The following MORC1 variants were observed in gnomAD, a reference collection of about 807,000 sequenced individuals.
MORC1 encodes MORC family CW-type zinc finger 1, also known as MORC family CW-type zinc finger protein 1.
Under a neutral mutation model 134.9 loss-of-function variants are expected in MORC1, and 59 were observed. The observed-to-expected ratio is 0.44, with a 90% CI of 0.35 to 0.54. The LOEUF is 0.54. MORC1 is among the 20% of genes least tolerant of loss of function. The pLI is 0.00. For synonymous variants in MORC1, 395 were observed against 391.7 expected (o/e 1.01, Z -0.10); for missense variants, 947 against 1,134.5 (o/e 0.83, Z 2.37).
intron 16 of MORC1, among the ~76,000 whole-genome samples, chr3:109,031,533 C>A (rs1258326215): frequency 2.0e-5 from 3 of 152,136 alleles, no homozygotes; most frequent in Non-Finnish European, 4.4e-5. Flanking sequence ...TGAGCCAACA[C>A]TTTGTTCCTA....
intron 11 of MORC1, among the ~76,000 whole-genome samples, chr3:109,061,754 C>A (rs1950088656): frequency 6.6e-6 from 1 of 152,118 alleles, no homozygotes; most frequent in Non-Finnish European, 1.5e-5. Flanking sequence ...TTCAAATTCA[C>A]CCCATGTTCT....
intron 3 of MORC1, among the ~76,000 whole-genome samples, chr3:109,107,739 T>A (rs566793841): frequency 1.3e-5 from 2 of 152,332 alleles, no homozygotes; most frequent in South Asian, 2.1e-4. Context: ...CTGCTTTTTT[T>A]ATCCATTTTT....
chr3:109,083,859 T>C (rs1056060586), intron 8 of MORC1, among the ~76,000 whole-genome samples: 29 of 152,202 alleles, frequency 1.9e-4, no homozygotes, highest in Admixed American at 1.6e-3. Context: ...CTTGAACATA[T>C]GCAAATAAAT....
rs1559871810 is a variant in MORC1, at chr3:108,984,683, CACTTGGAATTTGTATA to C, written c.2324+17_2324+32del. The C allele has an allele frequency of 1.4e-6, 2 of 1,447,004 alleles. No homozygotes were observed. The highest frequency in any genetic ancestry group is 4.9e-5 in the East Asian group (2 of 41,236). 89.6% of individuals were successfully genotyped at this position (1,447,004 alleles called of 1,614,324 possible). On this transcript the variant is annotated intron_variant, in intron 23 of 27. Coordinates refer to ENST00000232603, the MANE Select transcript of MORC1 (RefSeq NM_014429.4). ...TACTTTTCAGCAGGATAATTGCACT[CACTTGGAATTTGTATA>C]ACTGTAGTACACTCACCTTTTCCAG...
At chr3:108,973,680 T>A (rs1359636524) in intron 24 of MORC1, among the ~76,000 whole-genome samples, 3 of 145,328 alleles carry the variant, frequency 2.1e-5, no homozygotes, top group Non-Finnish European at 3.0e-5. Flanking sequence ...CACTGCATCC[T>A]CGGCCTCCTG....
intron 14 of MORC1, among the ~76,000 whole-genome samples, chr3:109,035,701 C>A (rs1267314270): frequency 6.6e-6 from 1 of 152,048 alleles, no homozygotes; most frequent in Non-Finnish European, 1.5e-5. Flanking sequence ...TGCAGTAAAT[C>A]TGCAATATCT....
intron 20 of MORC1, among the ~76,000 whole-genome samples, chr3:109,002,660 G>A (rs778805211): frequency 2.0e-5 from 3 of 152,104 alleles, no homozygotes; most frequent in Non-Finnish European, 4.4e-5. Context: ...AGGCTAAAAG[G>A]CTATACCCCT....
chr3:108,982,144 A>G (rs1277767056), intron 23 of MORC1, among the ~76,000 whole-genome samples: 1 of 152,230 alleles, frequency 6.6e-6, no homozygotes, highest in Non-Finnish European at 1.5e-5. Flanking sequence ...CAACAGACAC[A>G]TGAAAAGACG....
At chr3:109,029,874 T>C (rs1339034690) in intron 16 of MORC1, among the ~76,000 whole-genome samples, 1 of 152,206 alleles carries the variant, frequency 6.6e-6, no homozygotes, top group Non-Finnish European at 1.5e-5. Context: ...AGGTTTTGCA[T>C]CAGAAACTTG....
At chr3:109,032,404 A>G (rs1310654214) in intron 16 of MORC1, among the ~76,000 whole-genome samples, 1 of 152,202 alleles carries the variant, frequency 6.6e-6, no homozygotes, top group Admixed American at 6.5e-5. Context: ...ACTCCTGTAC[A>G]ATAAGGACAT....
intron 17 of MORC1, among the ~76,000 whole-genome samples, chr3:109,020,070 G>T (rs560121909): frequency 6.6e-6 from 1 of 152,122 alleles, no homozygotes; most frequent in Non-Finnish European, 1.5e-5. Context: ...CTTCCATGGC[G>T]CTGTCCTAAC....
chr3:108,969,423 T>G (rs746812772), intron 26 of MORC1, among the ~76,000 whole-genome samples: 2 of 152,222 alleles, frequency 1.3e-5, no homozygotes, highest in Non-Finnish European at 2.9e-5. Context: ...GAATGTCCTG[T>G]TTCCTATTCA....
chr3:108,989,752 C>T (rs1344162593), intron 21 of MORC1, among the ~76,000 whole-genome samples: 1 of 152,128 alleles, frequency 6.6e-6, no homozygotes, highest in East Asian at 1.9e-4. Context: ...TGTTTGCACT[C>T]GTCCACAGTT....
intron 3 of MORC1, among the ~76,000 whole-genome samples, chr3:109,109,465 T>C (rs1163499843): frequency 6.6e-6 from 1 of 152,212 alleles, no homozygotes; most frequent in Non-Finnish European, 1.5e-5. Flanking sequence ...AATATTCTTT[T>C]CTTCCTGGAG....
At chr3:109,098,500 C>T (rs1290884590) in intron 6 of MORC1, among the ~76,000 whole-genome samples, 4 of 152,278 alleles carry the variant, frequency 2.6e-5, no homozygotes, top group South Asian at 4.1e-4. Flanking sequence ...CACCGTCCAT[C>T]CAAACTCCAT....
At chr3:109,062,441 G>A (rs1157529732) in intron 10 of MORC1, among the ~76,000 whole-genome samples, 18 of 143,978 alleles carry the variant, frequency 1.3e-4, no homozygotes, top group African/African-American at 4.7e-4. Context: ...TTTTTTTTGA[G>A]ACAGAGTCTC....
chr3:108,980,931 C>T (rs1947700712), intron 23 of MORC1, among the ~76,000 whole-genome samples: 1 of 152,030 alleles, frequency 6.6e-6, no homozygotes, highest in African/African-American at 2.4e-5. Flanking sequence ...GGGGAGGGAA[C>T]TAGAGTTTCT....
intron 27 of MORC1, among the ~76,000 whole-genome samples, chr3:108,960,815 TA>T (rs539544439): frequency 1.3e-5 from 2 of 151,660 alleles, no homozygotes; most frequent in African/African-American, 2.4e-5. Flanking sequence ...TAAAAATCTT[TA>T]AAAAAAAATC....
chr3:108,967,802 A>G (rs916210477), intron 26 of MORC1, among the ~76,000 whole-genome samples: 8 of 151,202 alleles, frequency 5.3e-5, no homozygotes, highest in African/African-American at 1.9e-4. Context: ...AGCCTGGGCA[A>G]TGTAGCAAGA....
Sources: allele counts gnomAD v4.1 joint callset (sites outside exome capture counted in the v4.1 genomes callset), GRCh38; gene constraint gnomAD v4.1.1; transcripts MANE v1.5; gene names NCBI Gene and HGNC (gene_info 2026-07-23, HGNC 2026-07-21).